Variants in BICC1 observed in about 807,000 individuals in gnomAD.
BICC1 encodes protein bicaudal C homolog 1.
A neutral mutation model predicts 111.0 loss-of-function variants in BICC1; 43 were observed. The ratio of observed to expected loss-of-function variants is 0.39; its 90% CI spans 0.30 to 0.50. The LOEUF (loss-of-function observed/expected upper bound fraction) is 0.50. BICC1 is among the 20% of genes least tolerant of loss of function. BICC1 has a pLI of 0.88. For missense variants in BICC1, 1,091 were observed against 1,203.2 expected (o/e 0.91, Z 1.38); for synonymous variants, 467 against 434.4 (o/e 1.07, Z -0.93).
chr10:58,688,102 A>G (rs1303427781), intron 2 of BICC1, among the ~76,000 whole-genome samples: 2 of 152,124 alleles, frequency 1.3e-5, no homozygotes, highest in Non-Finnish European at 2.9e-5. Flanking sequence ...AATGAGTGTT[A>G]CAGCTCTTAA....
chr10:58,559,186 T>TA (rs1166282103), intron 1 of BICC1, among the ~76,000 whole-genome samples: 8 of 152,102 alleles, frequency 5.3e-5, no homozygotes, highest in African/African-American at 1.9e-4. Flanking sequence ...TATAATGACT[T>TA]ATCTGAGAGT....
intron 1 of BICC1, among the ~76,000 whole-genome samples, chr10:58,600,266 A>T (rs184170652): frequency 7.6e-4 from 115 of 152,180 alleles, no homozygotes; most frequent in African/African-American, 2.6e-3. Context: ...GATTATCCTC[A>T]TAAAAGGTGC....
intron 20 of BICC1, among the ~76,000 whole-genome samples, chr10:58,821,566 A>T (rs752502092): frequency 6.6e-6 from 1 of 152,264 alleles, no homozygotes; most frequent in South Asian, 2.1e-4. Context: ...TAGGAGTGGA[A>T]ATCCAGCCAT....
intron 2 of BICC1, among the ~76,000 whole-genome samples, chr10:58,691,155 C>T (rs1839896502): frequency 6.6e-6 from 1 of 152,122 alleles, no homozygotes; most frequent in African/African-American, 2.4e-5. Flanking sequence ...AAAAACACTT[C>T]ATATAATATC....
At chr10:58,649,768 T>C (rs906510353) in intron 2 of BICC1, among the ~76,000 whole-genome samples, 5 of 152,164 alleles carry the variant, frequency 3.3e-5, no homozygotes, top group African/African-American at 1.2e-4. Flanking sequence ...ATCTAATCCT[T>C]CTAGCAACAT....
chr10:58,560,769 A>C (rs908006475), intron 1 of BICC1, among the ~76,000 whole-genome samples: 2 of 151,468 alleles, frequency 1.3e-5, no homozygotes, highest in African/African-American at 4.8e-5. Flanking sequence ...TAGTTTAATA[A>C]TTTTTTTTGT....
chr10:58,549,141 C>T (rs898349870), intron 1 of BICC1, among the ~76,000 whole-genome samples: 1 of 122,762 alleles, frequency 8.1e-6, no homozygotes, highest in Non-Finnish European at 1.9e-5. Context: ...CCACCTCCCT[C>T]AGCCAGTTTT....
intron 4 of BICC1, among the ~76,000 whole-genome samples, chr10:58,785,799 A>G (rs886813579): frequency 6.6e-6 from 1 of 152,190 alleles, no homozygotes; most frequent in African/African-American, 2.4e-5. Flanking sequence ...GAGCCGGTTA[A>G]GTGGAGAGGT....
chr10:58,558,188 AATCC>A (rs1843506217), intron 1 of BICC1, among the ~76,000 whole-genome samples: 1 of 152,118 alleles, frequency 6.6e-6, no homozygotes, highest in African/African-American at 2.4e-5. Flanking sequence ...TATTTCCTAT[AATCC>A]TTTCAGTTGG....
chr10:58,666,416 G>A (rs1839011842), intron 2 of BICC1, among the ~76,000 whole-genome samples: 1 of 152,110 alleles, frequency 6.6e-6, no homozygotes, highest in African/African-American at 2.4e-5. Context: ...CTCAAATATA[G>A]AAGTACTGAG....
chr10:58,651,351 C>T (rs529429817), intron 2 of BICC1, among the ~76,000 whole-genome samples: 95 of 152,322 alleles, frequency 6.2e-4, no homozygotes, highest in African/African-American at 2.1e-3. Context: ...ACAGACTGGA[C>T]TCTATGAAAA....
intron 3 of BICC1, among the ~76,000 whole-genome samples, chr10:58,702,907 T>A (rs1314847538): frequency 6.6e-6 from 1 of 152,170 alleles, no homozygotes; most frequent in Non-Finnish European, 1.5e-5. Flanking sequence ...GCTGCAATTA[T>A]CCATCATGGT....
At chr10:58,594,555 G>C (rs1451451292) in intron 1 of BICC1, among the ~76,000 whole-genome samples, 1 of 152,164 alleles carries the variant, frequency 6.6e-6, no homozygotes, top group Admixed American at 6.5e-5. Flanking sequence ...GCCAGAAGAG[G>C]GTAGGGGCCA....
chr10:58,731,461 G>A (rs964273235), intron 3 of BICC1, among the ~76,000 whole-genome samples: 3 of 151,916 alleles, frequency 2.0e-5, no homozygotes, highest in African/African-American at 4.8e-5. Flanking sequence ...ACATTTTCAG[G>A]TATCTTTGTA....
intron 3 of BICC1, among the ~76,000 whole-genome samples, chr10:58,769,326 C>T (rs1239697080): frequency 6.9e-6 from 1 of 145,952 alleles, no homozygotes; most frequent in Non-Finnish European, 1.5e-5. Flanking sequence ...GCACAGAGGT[C>T]AGTATGTGAA....
intron 1 of BICC1, among the ~76,000 whole-genome samples, chr10:58,524,073 A>G (rs1372318392): frequency 1.3e-5 from 2 of 152,140 alleles, no homozygotes; most frequent in Non-Finnish European, 1.5e-5. Context: ...ATGGAAGAAC[A>G]TTCCATGCTC....
In BICC1 at chr10:58,714,471, T is replaced by A. The variant is rs541610429; in HGVS notation, c.307+12328T>A. On this transcript the variant is annotated intron_variant, in intron 3 of 20. Coordinates refer to ENST00000373886, the MANE Select transcript of BICC1 (RefSeq NM_001080512.3). ...TAATTGTGCAATTTAAACTGTTTGT[T>A]TATTCTCCATGAGTGTTTCACGTTA... 3.9e-5 allele frequency among the ~76,000 whole-genome samples: 6 copies of A among 152,342 alleles called. No homozygotes were observed. In the East Asian group the frequency reaches 1.2e-3, roughly 29 times the overall value.
chr10:58,639,192 T>G lies in BICC1; in HGVS notation c.237+18291T>G, dbSNP rs904888418. ...TGAATTATTCCTCCTAACTGAAAAT[T>G]TTTTTAGTGTGCAGAAGATCCATAT... On this transcript the variant is annotated intron_variant, in intron 2 of 20. Transcript: ENST00000373886. Among the ~76,000 whole-genome samples the G allele has an allele frequency of 3.9e-5, 6 of 152,268 alleles. No homozygotes were observed. In the South Asian group the frequency reaches 1.0e-3, roughly 26 times the overall value.
intron 20 of BICC1, among the ~76,000 whole-genome samples, chr10:58,821,524 C>G (rs1373153751): frequency 6.6e-6 from 1 of 152,070 alleles, no homozygotes; most frequent in Non-Finnish European, 1.5e-5. Context: ...AAATCTTTAT[C>G]TGAAGCAGAT....
Sources: gnomAD v4.1 joint callset for allele counts (sites outside exome capture counted in the v4.1 genomes callset) on GRCh38, gnomAD v4.1.1 for gene constraint, MANE v1.5 for transcripts, NCBI Gene and HGNC (gene_info 2026-07-23, HGNC 2026-07-21) for gene names.